HHAT: variants seen among roughly 807,000 people sequenced by gnomAD.
HHAT encodes the protein protein-cysteine N-palmitoyltransferase HHAT.
HHAT carries 47 observed loss-of-function variants against 70.8 expected under a neutral mutation model. The observed-to-expected ratio is 0.66, with a 90% CI of 0.53 to 0.85. The LOEUF (loss-of-function observed/expected upper bound fraction) is 0.85. Ranked by LOEUF, HHAT falls within the 40% of genes least tolerant of loss-of-function variation. HHAT has a pLI of 0.00. For synonymous variants in HHAT, 228 were observed against 247.6 expected (o/e 0.92, Z 0.74); for missense variants, 609 against 604.8 (o/e 1.01, Z -0.07).
intron 3 of HHAT, among the ~76,000 whole-genome samples, chr1:210,363,759 CAGTTT>C (rs1328769261): frequency 1.3e-5 from 2 of 152,072 alleles, no homozygotes; most frequent in Non-Finnish European, 2.9e-5. Context: ...GTTATCAGAG[CAGTTT>C]GTTTTGTTTT....
chr1:210,560,569 A>T (rs2095611996), intron 9 of HHAT, among the ~76,000 whole-genome samples: 1 of 151,434 alleles, frequency 6.6e-6, no homozygotes, highest in Non-Finnish European at 1.5e-5. Context: ...TGGTCCCATT[A>T]CTTTGGGAGG....
At chr1:210,607,161 G>A (rs1665621005) in intron 10 of HHAT, among the ~76,000 whole-genome samples, 1 of 151,734 alleles carries the variant, frequency 6.6e-6, no homozygotes, top group Non-Finnish European at 1.5e-5. Context: ...CTCTATGCCT[G>A]GGCCTTATGG....
chr1:210,531,620 A>G (rs1391895744), intron 9 of HHAT, among the ~76,000 whole-genome samples: 1 of 152,212 alleles, frequency 6.6e-6, no homozygotes, highest in African/African-American at 2.4e-5. Context: ...AAATTTGCTA[A>G]TGTATGTAAA....
At chr1:210,366,062 C>A (rs547314672) in intron 3 of HHAT, among the ~76,000 whole-genome samples, 2 of 152,184 alleles carry the variant, frequency 1.3e-5, no homozygotes, top group East Asian at 3.9e-4. Flanking sequence ...TCTTGAGTAG[C>A]TGGGACTACA....
chr1:210,531,641 C>T (rs995886858), intron 9 of HHAT, among the ~76,000 whole-genome samples: 1 of 152,182 alleles, frequency 6.6e-6, no homozygotes, highest in Non-Finnish European at 1.5e-5. Flanking sequence ...ATACTTAGGA[C>T]AGTTCCCTAA....
chr1:210,538,977 T>C lies in HHAT; in HGVS notation c.1043+25789T>C, dbSNP rs146349672. 4.5e-3 allele frequency among the ~76,000 whole-genome samples: 682 copies of C among 152,280 alleles called. 4 individuals are homozygous for C. Among genetic ancestry groups the C allele is most frequent in the African/African-American group, 0.016 (659 of 41,560 alleles). On this transcript the variant is annotated intron_variant, in intron 9 of 11. Coordinates refer to ENST00000261458, the MANE Select transcript of HHAT (RefSeq NM_018194.6). ...CTGTAATCCCAACTATTCAGGAGGCTGAGGCAGGAGAATTGCTTGAACCTG... is the reference window on the plus strand; with the variant it reads ...CTGTAATCCCAACTATTCAGGAGGCCGAGGCAGGAGAATTGCTTGAACCTG...
intron 1 of HHAT, among the ~76,000 whole-genome samples, chr1:210,333,966 C>G (rs1257014649): frequency 6.6e-6 from 1 of 151,992 alleles, no homozygotes; most frequent in African/African-American, 2.4e-5. Flanking sequence ...TGGAACTGCT[C>G]TTACTACTGT....
At chr1:210,505,378 G>A (rs1172681581) in intron 8 of HHAT, among the ~76,000 whole-genome samples, 2 of 152,104 alleles carry the variant, frequency 1.3e-5, no homozygotes, top group Non-Finnish European at 2.9e-5. Flanking sequence ...GGCAGCATTG[G>A]GACACTTTGA....
intron 11 of HHAT, among the ~76,000 whole-genome samples, chr1:210,667,171 T>C (rs1009153587): frequency 6.6e-5 from 10 of 151,510 alleles, no homozygotes; most frequent in African/African-American, 2.4e-4. Context: ...TCACCTTGGG[T>C]CAGGAGTTCA....
At chr1:210,658,518 A>G (rs902766010) in intron 11 of HHAT, among the ~76,000 whole-genome samples, 3 of 152,174 alleles carry the variant, frequency 2.0e-5, no homozygotes, top group Non-Finnish European at 2.9e-5. Flanking sequence ...AGTCCTGGAT[A>G]TCCTTGTTAA....
chr1:210,585,936 T>C (rs7542889), intron 9 of HHAT, among the ~76,000 whole-genome samples: 146,252 of 152,192 alleles, frequency 0.96, 70,513 homozygotes, highest in East Asian at 1. Context: ...TGATCAGATA[T>C]TGCAGGTGGG....
intron 7 of HHAT, among the ~76,000 whole-genome samples, chr1:210,428,285 ACTATAT>A (rs2093130416): frequency 1.1e-5 from 1 of 94,656 alleles, no homozygotes; most frequent in Non-Finnish European, 2.1e-5. Flanking sequence ...ATGAGCTTAT[ACTATAT>A]ATATATATAT....
At chr1:210,501,094 T>A (rs2094744575) in intron 8 of HHAT, among the ~76,000 whole-genome samples, 1 of 152,256 alleles carries the variant, frequency 6.6e-6, no homozygotes, top group South Asian at 2.1e-4. Context: ...GTCCCTTTGT[T>A]CTGGATTCAT....
chr1:210,456,346 C>T (rs553565033), intron 7 of HHAT, among the ~76,000 whole-genome samples: 4 of 152,266 alleles, frequency 2.6e-5, no homozygotes, highest in South Asian at 2.1e-4. Flanking sequence ...GTCTTACTTA[C>T]TCTGAATACT....
intron 11 of HHAT, among the ~76,000 whole-genome samples, chr1:210,628,953 T>A (rs1670359870): frequency 6.6e-6 from 1 of 152,226 alleles, no homozygotes; most frequent in Middle Eastern, 3.2e-3. Flanking sequence ...CTGATGACTT[T>A]GTTTCGCGGT....
At chr1:210,536,854 C>T (rs1489470784) in intron 9 of HHAT, among the ~76,000 whole-genome samples, 2 of 148,810 alleles carry the variant, frequency 1.3e-5, no homozygotes, top group Non-Finnish European at 3.0e-5. Context: ...AACAGCGTCT[C>T]GGGCCTCTGT....
At chr1:210,412,255 T>C (rs1442690803) in intron 6 of HHAT, among the ~76,000 whole-genome samples, 3 of 152,106 alleles carry the variant, frequency 2.0e-5, no homozygotes, top group African/African-American at 7.2e-5. Flanking sequence ...ATTCAATTAA[T>C]AATATTTTGC....
intron 8 of HHAT, among the ~76,000 whole-genome samples, chr1:210,483,691 G>C (rs2094432699): frequency 6.6e-6 from 1 of 152,096 alleles, no homozygotes; most frequent in Non-Finnish European, 1.5e-5. Flanking sequence ...AATGAACTAG[G>C]GCCTCAGATT....
At chr1:210,383,902 A>G (rs1487173161) in intron 3 of HHAT, among the ~76,000 whole-genome samples, 1 of 152,192 alleles carries the variant, frequency 6.6e-6, no homozygotes, top group African/African-American at 2.4e-5. Context: ...TCACTGACAT[A>G]TGAAGTTGAG....
Sources: allele counts gnomAD v4.1 joint callset (sites outside exome capture counted in the v4.1 genomes callset), GRCh38; gene constraint gnomAD v4.1.1; transcripts MANE v1.5; gene names NCBI Gene and HGNC (gene_info 2026-07-23, HGNC 2026-07-21).